The following DYNC1I1 variants were observed in gnomAD, a reference collection of about 807,000 sequenced individuals.
DYNC1I1 encodes the protein dynein cytoplasmic 1 intermediate chain 1.
Under a neutral mutation model 86.6 loss-of-function variants are expected in DYNC1I1, and 43 were observed. The observed-to-expected ratio is 0.50, with a 90% confidence interval of 0.39 to 0.64. The LOEUF (loss-of-function observed/expected upper bound fraction) is 0.64, where lower values mean the gene tolerates loss of function less well. DYNC1I1 is among the 30% of genes least tolerant of loss of function. The pLI is 0.00. For synonymous variants in DYNC1I1, 262 were observed against 283.7 expected, an observed-to-expected ratio of 0.92 and a Z score of 0.77; for missense variants, 604 against 788.8, an observed-to-expected ratio of 0.77 and a Z score of 2.81.
At chr7:95,994,008 T>C (rs1251184161) in intron 9 of DYNC1I1, among the ~76,000 whole-genome samples, 4 of 152,168 alleles carry the variant, frequency 2.6e-5, no homozygotes, top group Admixed American at 2.0e-4. Flanking sequence ...CCTCAGTTTA[T>C]TTAGTAACAC....
chr7:95,937,941 A>G lies in DYNC1I1; in HGVS notation c.491-39571A>G, dbSNP rs181662048. Among the ~76,000 whole-genome samples, 6 of 152,158 alleles carry G rather than the reference A, an allele frequency of 3.9e-5. No homozygotes were observed. In the East Asian group the frequency reaches 9.6e-4, roughly 24 times the overall value. ...TTATATATGTATACCTCCATAATAT[A>G]TAATATATATACACTCACACACATA... On this transcript the variant is annotated intron_variant, in intron 6 of 16. Coordinates refer to ENST00000447467, the MANE Select transcript of DYNC1I1 (RefSeq NM_001135556.2).
At chr7:95,971,502 A>G (rs538950833) in intron 6 of DYNC1I1, among the ~76,000 whole-genome samples, 3 of 152,268 alleles carry the variant, frequency 2.0e-5, no homozygotes, top group East Asian at 1.9e-4. Context: ...AAACAAACAA[A>G]CAAAACAAAA....
Position 95,779,953 on chromosome 7 carries a change from G to A in DYNC1I1, c.-10+7180G>A, listed in dbSNP as rs117298971. Among the ~76,000 whole-genome samples the A allele has an allele frequency of 6.2e-4, 95 of 152,248 alleles. 1 individual carries two copies. The East Asian group carries it at 0.016, about 25-fold the overall frequency. ...CTGCTGGGGGAAGGGGAGTCTTGAG[G>A]AGGACAATATTTCATTGAAGAAATG... On this transcript the variant is annotated intron_variant, in intron 1 of 16. Coordinates refer to ENST00000447467, the MANE Select transcript of DYNC1I1 (RefSeq NM_001135556.2).
At chr7:95,895,831 A>G (rs111484749) in intron 6 of DYNC1I1, among the ~76,000 whole-genome samples, 1,616 of 152,328 alleles carry the variant, frequency 0.011, 26 homozygotes, top group African/African-American at 0.038. Context: ...CAAAAACTGC[A>G]ATTATGTTTG....
At chr7:95,779,669 G>A (rs1793935859) in intron 1 of DYNC1I1, among the ~76,000 whole-genome samples, 1 of 152,194 alleles carries the variant, frequency 6.6e-6, no homozygotes, top group Non-Finnish European at 1.5e-5. Flanking sequence ...TCTTCCAGCA[G>A]AGAACCTTAC....
intron 5 of DYNC1I1, among the ~76,000 whole-genome samples, chr7:95,846,621 C>CTGTGTG (rs750813234): frequency 0.04 from 4,752 of 119,640 alleles, 135 homozygotes; most frequent in Non-Finnish European, 0.044. Context: ...TGATAAATCT[C>CTGTGTG]TCTCTCTGTG....
At chr7:95,873,384 A>G (rs904399257) in intron 6 of DYNC1I1, among the ~76,000 whole-genome samples, 8 of 152,164 alleles carry the variant, frequency 5.3e-5, no homozygotes, top group Non-Finnish European at 7.4e-5. Context: ...CTTTCAAACC[A>G]CTGGGTAAAT....
intron 14 of DYNC1I1, among the ~76,000 whole-genome samples, chr7:96,044,593 G>A (rs1437502280): frequency 6.6e-6 from 1 of 152,098 alleles, no homozygotes; most frequent in Non-Finnish European, 1.5e-5. Flanking sequence ...TGAATTCATA[G>A]CATGGACAGG....
At chr7:95,902,141 GCTGT>G (rs1279807343) in intron 6 of DYNC1I1, among the ~76,000 whole-genome samples, 1 of 152,168 alleles carries the variant, frequency 6.6e-6, no homozygotes, top group Non-Finnish European at 1.5e-5. Context: ...AATTCAAGAG[GCTGT>G]CTTTTTCCTT....
intron 6 of DYNC1I1, among the ~76,000 whole-genome samples, chr7:95,878,144 T>C (rs1429438221): frequency 6.6e-6 from 1 of 152,102 alleles, no homozygotes; most frequent in Non-Finnish European, 1.5e-5. Flanking sequence ...AAAGTCAATT[T>C]CTTAAAAAAA....
chr7:95,775,389 A>G (rs193159708), intron 1 of DYNC1I1, among the ~76,000 whole-genome samples: 90 of 152,234 alleles, frequency 5.9e-4, no homozygotes, highest in Non-Finnish European at 1.1e-3. Context: ...AATGAGTTAA[A>G]TGACATACTC....
chr7:95,962,199 A>G (rs549259929), intron 6 of DYNC1I1, among the ~76,000 whole-genome samples: 1 of 152,122 alleles, frequency 6.6e-6, no homozygotes, highest in Non-Finnish European at 1.5e-5. Flanking sequence ...CCTGCCCTTA[A>G]AGCTAAGCTC....
chr7:96,102,695 C>T (rs959398665), downstream of DYNC1I1, among the ~76,000 whole-genome samples: 5 of 152,138 alleles, frequency 3.3e-5, no homozygotes, highest in African/African-American at 7.2e-5. Context: ...CTGTATGGGC[C>T]ATAAAATCAG....
At chr7:96,063,001 G>A (rs1341701030) in intron 14 of DYNC1I1, among the ~76,000 whole-genome samples, 1 of 151,964 alleles carries the variant, frequency 6.6e-6, no homozygotes, top group African/African-American at 2.4e-5. Context: ...GGTGGTATCA[G>A]GAACATCACA....
downstream of DYNC1I1, among the ~76,000 whole-genome samples, chr7:96,099,123 A>G (rs945832053): frequency 1.3e-5 from 2 of 152,244 alleles, no homozygotes; most frequent in East Asian, 3.8e-4. Flanking sequence ...TCACAGACAT[A>G]CAGTAAAGTA....
At chr7:95,864,115 C>G (rs114121471) in intron 5 of DYNC1I1, among the ~76,000 whole-genome samples, 1,985 of 152,266 alleles carry the variant, frequency 0.013, 36 homozygotes, top group African/African-American at 0.044. Context: ...TTATATCACA[C>G]TTGGAGCTTC....
chr7:95,962,458 C>T (rs1792895751), intron 6 of DYNC1I1, among the ~76,000 whole-genome samples: 1 of 152,172 alleles, frequency 6.6e-6, no homozygotes, highest in South Asian at 2.1e-4. Flanking sequence ...AACTGAAATA[C>T]CTTCCTTCTC....
intron 6 of DYNC1I1, among the ~76,000 whole-genome samples, chr7:95,915,483 T>C (rs1166490316): frequency 6.6e-6 from 1 of 152,132 alleles, no homozygotes; most frequent in African/African-American, 2.4e-5. Flanking sequence ...GGTAAAGCTA[T>C]TTTTTTAAAC....
intron 2 of DYNC1I1, among the ~76,000 whole-genome samples, chr7:95,808,084 A>G (rs1794743316): frequency 6.6e-6 from 1 of 152,116 alleles, no homozygotes; most frequent in African/African-American, 2.4e-5. Flanking sequence ...CTGGTGTTCT[A>G]TTCTGCAAAT....
Sources: gnomAD v4.1 joint callset for allele counts (sites outside exome capture counted in the v4.1 genomes callset) on GRCh38, gnomAD v4.1.1 for gene constraint, MANE v1.5 for transcripts, NCBI Gene and HGNC (gene_info 2026-07-23, HGNC 2026-07-21) for gene names.